Variants in LRP1B observed in about 807,000 individuals in gnomAD.
The protein encoded by LRP1B is LDL receptor related protein 1B.
Under a neutral mutation model 556.6 loss-of-function variants are expected in LRP1B, and 217 were observed. That is an observed-to-expected ratio of 0.39 (90% CI 0.35 to 0.44). The LOEUF is 0.44. Among genes scored for constraint, LRP1B ranks in the 20% least tolerant of loss-of-function variants. The pLI is 1.00. For synonymous variants in LRP1B, 2,047 were observed against 1,865.8 expected, an observed-to-expected ratio of 1.10 and a Z score of -2.50; for missense variants, 5,053 against 5,620.8, an observed-to-expected ratio of 0.90 and a Z score of 3.23.
At chr2:140,736,895 C>G (rs1030680631) in intron 35 of LRP1B, among the ~76,000 whole-genome samples, 1 of 152,096 alleles carries the variant, frequency 6.6e-6, no homozygotes, top group African/African-American at 2.4e-5. Flanking sequence ...TGCCAGAAAC[C>G]AAAAGGCCGT....
rs1035606860 is a variant in LRP1B at position 140,372,862 on chromosome 2, T to A, written c.10768+146A>T. On this transcript the variant is annotated intron_variant, in intron 69 of 90. Transcript: ENST00000389484. Reference sequence around the variant, plus strand: ...CAAAACATATGAAGCACACACTAATTAATTTATCCACAGATTTGCAGACCC... The same window carrying A: ...CAAAACATATGAAGCACACACTAATAAATTTATCCACAGATTTGCAGACCC... 15 of 800,906 alleles carry A rather than the reference T, an allele frequency of 1.9e-5. No homozygotes were observed. In the African/African-American group the frequency reaches 2.4e-4, roughly 13 times the overall value. 49.6% of individuals were successfully genotyped at this position (800,906 alleles called of 1,614,324 possible).
At chr2:141,232,242 A>C (rs1304018422) in intron 5 of LRP1B, among the ~76,000 whole-genome samples, 1 of 152,150 alleles carries the variant, frequency 6.6e-6, no homozygotes, top group African/African-American at 2.4e-5. Flanking sequence ...AACCTGTTGG[A>C]TCATAGATTT....
intron 2 of LRP1B, among the ~76,000 whole-genome samples, chr2:141,639,096 T>C (rs1251808123): frequency 7.8e-6 from 1 of 128,224 alleles, no homozygotes; most frequent in African/African-American, 2.8e-5. Context: ...AACATCTGTC[T>C]AGGAGCAGTG....
At chr2:141,214,302 T>G (rs1682693119) in intron 6 of LRP1B, among the ~76,000 whole-genome samples, 1 of 152,130 alleles carries the variant, frequency 6.6e-6, no homozygotes, top group African/African-American at 2.4e-5. Context: ...AGAATGAAAA[T>G]CACACATTTC....
chr2:141,506,376 G>A (rs909660542), intron 2 of LRP1B, among the ~76,000 whole-genome samples: 8 of 152,120 alleles, frequency 5.3e-5, no homozygotes, highest in Admixed American at 4.6e-4. Flanking sequence ...CTTCTACAGA[G>A]TAGGTTGCTA....
At chr2:140,751,115 C>G (rs1211818465) in intron 35 of LRP1B, among the ~76,000 whole-genome samples, 1 of 147,952 alleles carries the variant, frequency 6.8e-6, no homozygotes. Context: ...GCCTCAGCCT[C>G]CCGAGTAGCT....
chr2:141,750,785 T>C (rs1043580226), intron 2 of LRP1B, among the ~76,000 whole-genome samples: 2 of 152,086 alleles, frequency 1.3e-5, no homozygotes, highest in African/African-American at 4.8e-5. Flanking sequence ...TTTATCTATA[T>C]TCTTTATAGA....
At chr2:141,821,131 A>G (rs1696738420) in intron 1 of LRP1B, among the ~76,000 whole-genome samples, 1 of 152,224 alleles carries the variant, frequency 6.6e-6, no homozygotes, top group African/African-American at 2.4e-5. Flanking sequence ...AGGGAAATGG[A>G]TCATCACCTA....
At chr2:140,926,660 G>A (rs1694895286) in intron 20 of LRP1B, among the ~76,000 whole-genome samples, 1 of 152,010 alleles carries the variant, frequency 6.6e-6, no homozygotes, top group South Asian at 2.1e-4. Flanking sequence ...ATGATTTTTA[G>A]GACTCATTTG....
At chr2:141,985,753 C>T (rs1214787069) in intron 1 of LRP1B, among the ~76,000 whole-genome samples, 1 of 151,770 alleles carries the variant, frequency 6.6e-6, no homozygotes, top group African/African-American at 2.4e-5. Flanking sequence ...TATTTTTTAG[C>T]TCTACAGATT....
chr2:141,433,601 C>T (rs952693824), intron 3 of LRP1B, among the ~76,000 whole-genome samples: 5 of 152,102 alleles, frequency 3.3e-5, no homozygotes, highest in Non-Finnish European at 5.9e-5. Context: ...TGTCATTTCA[C>T]TATCTAATGG....
At chr2:141,200,427 G>T (rs1458763404) in intron 6 of LRP1B, among the ~76,000 whole-genome samples, 1 of 152,002 alleles carries the variant, frequency 6.6e-6, no homozygotes, top group Non-Finnish European at 1.5e-5. Context: ...ATAGCTAATG[G>T]ATTCTGGGCT....
At chr2:142,129,038 C>G (rs759286993) in intron 1 of LRP1B, among the ~76,000 whole-genome samples, 2 of 152,156 alleles carry the variant, frequency 1.3e-5, no homozygotes, top group African/African-American at 4.8e-5. Context: ...TCAGGAAGAG[C>G]CCAATAGCAG....
chr2:140,771,881 T>C (rs1689323958), intron 33 of LRP1B, among the ~76,000 whole-genome samples: 1 of 152,244 alleles, frequency 6.6e-6, no homozygotes. Flanking sequence ...TGATGAAAGC[T>C]CTATATCAAT....
chr2:141,524,549 T>C (rs921364116), intron 2 of LRP1B, among the ~76,000 whole-genome samples: 22 of 152,076 alleles, frequency 1.4e-4, no homozygotes, highest in Non-Finnish European at 1.6e-4. Context: ...TCTTAAAACA[T>C]TGTAAGTTTT....
At chr2:140,418,835 C>T (rs1305519898) in intron 66 of LRP1B, among the ~76,000 whole-genome samples, 1 of 152,042 alleles carries the variant, frequency 6.6e-6, no homozygotes, top group East Asian at 1.9e-4. Context: ...CCATACCCCT[C>T]CCTGGAGAAC....
chr2:140,440,299 C>T (rs1003690215), intron 66 of LRP1B, among the ~76,000 whole-genome samples: 1 of 152,086 alleles, frequency 6.6e-6, no homozygotes, highest in African/African-American at 2.4e-5. Context: ...GACACTCATG[C>T]CACTCTTAAT....
chr2:140,936,640 A>G (rs1456573050), intron 20 of LRP1B, among the ~76,000 whole-genome samples: 1 of 152,102 alleles, frequency 6.6e-6, no homozygotes, highest in Non-Finnish European at 1.5e-5. Context: ...GCAATTACAA[A>G]GTCTAGTCTT....
At chr2:142,067,278 T>G (rs527429320) in intron 1 of LRP1B, among the ~76,000 whole-genome samples, 173 of 151,666 alleles carry the variant, frequency 1.1e-3, no homozygotes, top group African/African-American at 3.8e-3. Flanking sequence ...ATTTATAGTT[T>G]TCTGACCCTA....
Sources: allele counts gnomAD v4.1 joint callset (sites outside exome capture counted in the v4.1 genomes callset), GRCh38; gene constraint gnomAD v4.1.1; transcripts MANE v1.5; gene names NCBI Gene and HGNC (gene_info 2026-07-23, HGNC 2026-07-21).